The following RP1 variants were observed in gnomAD, a reference collection of about 807,000 sequenced individuals.
RP1 encodes oxygen-regulated protein 1.
RP1 carries 16 observed loss-of-function variants against 14.8 expected under a neutral mutation model. That is an observed-to-expected ratio of 1.08 (90% confidence interval 0.73 to 1.65). RP1 has a LOEUF of 1.65. RP1 is among the 40% of genes most tolerant of loss of function. The pLI is 0.00. For synonymous variants in RP1, 876 were observed against 883.6 expected, an observed-to-expected ratio of 0.99 and a Z score of 0.15; for missense variants, 2,631 against 2,535.0, an observed-to-expected ratio of 1.04 and a Z score of -0.81.
chr8:54,824,967 T>A (rs1450752176), intron 24 of RP1, among the ~76,000 whole-genome samples: 3 of 150,376 alleles, frequency 2.0e-5, no homozygotes, highest in Admixed American at 6.6e-5. Flanking sequence ...TTTCTTTTTT[T>A]TTTTTAATTT....
chr8:54,759,130 C>CTGTGTGTGTGTGTGTGTGTGTGTG, intron 22 of RP1: 1 of 745,392 alleles, frequency 1.3e-6, no homozygotes, highest in Non-Finnish European at 1.9e-6. Context: ...GTGGATGATG[C>CTGTGTGTGTGTGTGTGTGTGTGTG]TGTGTGTGTG....
At chr8:54,802,176 T>C (rs1181373365) in intron 24 of RP1, among the ~76,000 whole-genome samples, 1 of 152,138 alleles carries the variant, frequency 6.6e-6, no homozygotes, top group Non-Finnish European at 1.5e-5. Context: ...ATAAATAATA[T>C]AGACTGTAAA....
chr8:54,845,913 A>G (rs188381640), intron 25 of RP1, among the ~76,000 whole-genome samples: 3 of 152,280 alleles, frequency 2.0e-5, no homozygotes, highest in East Asian at 3.9e-4. Context: ...TACTGGTCCT[A>G]ATGTTCTATG....
At chr8:54,709,765 C>T (rs1395527485) in intron 15 of RP1, among the ~76,000 whole-genome samples, 2 of 152,132 alleles carry the variant, frequency 1.3e-5, no homozygotes, top group African/African-American at 4.8e-5. Context: ...TCCTCTGAGG[C>T]CTCTGAAGGC....
intron 23 of RP1, among the ~76,000 whole-genome samples, chr8:54,777,533 A>G (rs1810073272): frequency 6.6e-6 from 1 of 152,182 alleles, no homozygotes; most frequent in Non-Finnish European, 1.5e-5. Flanking sequence ...TCGGTGTCAA[A>G]TTTATCCCAA....
chr8:54,701,109 T>C (rs567873185), intron 13 of RP1, among the ~76,000 whole-genome samples: 4 of 152,252 alleles, frequency 2.6e-5, no homozygotes, highest in Admixed American at 6.5e-5. Flanking sequence ...GAAAGCAAAA[T>C]TTAGGAATGA....
At chr8:54,845,828 C>A (rs1811905035) in intron 25 of RP1, among the ~76,000 whole-genome samples, 3 of 152,172 alleles carry the variant, frequency 2.0e-5, no homozygotes, top group Admixed American at 1.3e-4. Context: ...TTCTGTGGTC[C>A]TCAGTACTTC....
intron 8 of RP1, among the ~76,000 whole-genome samples, chr8:54,676,613 CG>C (rs1473172751): frequency 1.3e-5 from 2 of 152,178 alleles, no homozygotes; most frequent in Non-Finnish European, 2.9e-5. Flanking sequence ...GACTCTTACC[CG>C]TCCCTAATCC....
intron 1 of RP1, among the ~76,000 whole-genome samples, chr8:54,604,894 T>C (rs1178671560): frequency 2.6e-5 from 4 of 152,346 alleles, no homozygotes; most frequent in Middle Eastern, 6.8e-3. Context: ...ATCCTCTTTG[T>C]CATTTTTTAT....
At chr8:54,571,559 A>C (rs1804523665) in intron 1 of RP1, among the ~76,000 whole-genome samples, 1 of 152,190 alleles carries the variant, frequency 6.6e-6, no homozygotes, top group Admixed American at 6.5e-5. Flanking sequence ...GACCAGCTGG[A>C]AGGACTGGTT....
At chr8:54,581,651 A>T (rs1448553938) in intron 1 of RP1, among the ~76,000 whole-genome samples, 1 of 152,096 alleles carries the variant, frequency 6.6e-6, no homozygotes, top group Admixed American at 6.5e-5. Flanking sequence ...ATTTCTCCAC[A>T]TCCTCTCCAG....
intron 24 of RP1, among the ~76,000 whole-genome samples, chr8:54,836,878 C>A (rs1811669606): frequency 6.6e-6 from 1 of 151,822 alleles, no homozygotes; most frequent in South Asian, 2.1e-4. Flanking sequence ...TCATATGACC[C>A]CTGTAGGAAT....
intron 12 of RP1, chr8:54,696,690 GTGTGAT>G (rs1315195611): frequency 1.4e-6 from 1 of 730,974 alleles, no homozygotes; most frequent in African/African-American, 1.7e-5. Flanking sequence ...AGGATTGATG[GTGTGAT>G]TTTACTGGTG....
chr8:54,620,949 C>A lies in RP1; in HGVS notation c.-12-6C>A. 6.2e-7 allele frequency: 1 copy of A among 1,613,818 alleles called. No individual in the cohort carries two copies. Among genetic ancestry groups the A allele is most frequent in the Non-Finnish European group, 8.5e-7 (1 of 1,179,730 alleles). On this transcript the variant is annotated splice_region_variant and splice_polypyrimidine_tract_variant and intron_variant, in intron 1 of 3. Coordinates refer to ENST00000220676, the MANE Select transcript of RP1 (RefSeq NM_006269.2). ...GATTCTGGAGATAATTTTCTTTCTT[C>A]TCTAGGTCTCAGCCAAAATGAGTGA...
downstream of RP1, among the ~76,000 whole-genome samples, chr8:54,632,155 T>C (rs1307325631): frequency 1.3e-5 from 2 of 151,958 alleles, no homozygotes; most frequent in Admixed American, 1.3e-4. Context: ...GATAAGATAT[T>C]TAAAAAAAAA....
In RP1 at chr8:54,626,012, G is replaced by C. The variant is rs776695193; in HGVS notation, c.2130G>C (p.Lys710Asn). The C allele has an allele frequency of 7.4e-6, 12 of 1,613,872 alleles. No homozygotes were observed. The South Asian group carries it at 1.3e-4, about 18-fold the overall frequency. Residue 710 changes from lysine (K) to asparagine (N), a missense_variant, in exon 4 of 4, where the codon AAG (lysine) becomes AAC (asparagine). Physicochemically the swap from Lys to Asn is moderately conservative, Grantham distance 94. Coordinates refer to ENST00000220676, the MANE Select transcript of RP1 (RefSeq NM_006269.2). ...TAAACACAAAAGGTAGAATTACAAA[G>C]GAAATGATAGTGCAAGATTCAGATA... is the stretch of plus-strand genomic sequence containing the variant. ...ERINTKGRITKEMIVQDSDSP... is the reference protein window; with the variant it reads ...ERINTKGRITNEMIVQDSDSP...
At chr8:54,806,252 C>T (rs942126879) in intron 24 of RP1, among the ~76,000 whole-genome samples, 2 of 151,976 alleles carry the variant, frequency 1.3e-5, no homozygotes, top group African/African-American at 2.4e-5. Context: ...CTCCTGACCT[C>T]GTGATCCACC....
intron 21 of RP1, among the ~76,000 whole-genome samples, chr8:54,756,743 C>T (rs900823346): frequency 7.9e-5 from 12 of 152,334 alleles, no homozygotes; most frequent in Admixed American, 7.8e-4. Context: ...CACCTGACTA[C>T]TTGAGGATAA....
chr8:54,690,100 A>C (rs1305866351), intron 12 of RP1, among the ~76,000 whole-genome samples: 2 of 151,890 alleles, frequency 1.3e-5, no homozygotes, highest in Non-Finnish European at 2.9e-5. Flanking sequence ...TTGTTCTCTA[A>C]TTCCCTTTGA....
Sources: allele counts gnomAD v4.1 joint callset (sites outside exome capture counted in the v4.1 genomes callset), GRCh38; gene constraint gnomAD v4.1.1; transcripts MANE v1.5; gene names NCBI Gene and HGNC (gene_info 2026-07-23, HGNC 2026-07-21).